Variants in CSMD3 observed in about 807,000 individuals in gnomAD.
The protein encoded by CSMD3 is CUB and Sushi multiple domains 3, also known as CUB and sushi domain-containing protein 3.
A neutral mutation model predicts 435.2 loss-of-function variants in CSMD3; 177 were observed. The observed-to-expected ratio is 0.41, with a 90% confidence interval of 0.36 to 0.46. The LOEUF is 0.46. CSMD3 is among the 20% of genes least tolerant of loss of function. The pLI, the probability that CSMD3 is intolerant of heterozygous loss-of-function variation, is 0.34. For synonymous variants in CSMD3, 1,656 were observed against 1,520.5 expected, an observed-to-expected ratio of 1.09 and a Z score of -2.07; for missense variants, 4,265 against 4,504.6, an observed-to-expected ratio of 0.95 and a Z score of 1.52.
intron 4 of CSMD3, among the ~76,000 whole-genome samples, chr8:113,173,001 A>T (rs1415554439): frequency 6.6e-6 from 1 of 152,212 alleles, no homozygotes; most frequent in Non-Finnish European, 1.5e-5. Context: ...TCTTAATAGT[A>T]TTGATAGTAA....
chr8:112,407,024 T>G (rs1831921507), intron 34 of CSMD3, among the ~76,000 whole-genome samples: 1 of 151,968 alleles, frequency 6.6e-6, no homozygotes, highest in Non-Finnish European at 1.5e-5. Flanking sequence ...TAGTTAGATA[T>G]TTTTGTAATT....
chr8:113,243,372 A>G (rs2132256194), intron 3 of CSMD3, among the ~76,000 whole-genome samples: 1 of 151,824 alleles, frequency 6.6e-6, no homozygotes, highest in Middle Eastern at 3.4e-3. Context: ...TTATTTTAAA[A>G]TATAGATTGT....
rs936645176 is a variant in CSMD3, at chr8:112,352,532, T to C, written c.6139A>G (p.Ile2047Val). The change falls in exon 39 of 71, where the codon ATT (isoleucine) becomes GTT (valine). Residue 2047 changes from isoleucine to valine, a missense_variant and splice_region_variant. Ile to Val is a conservative substitution (Grantham distance 29, BLOSUM62 3). Transcript: ENST00000297405. ...AAGFHLEYTAIGLDSCPEPQT... is the reference protein window; with the variant it reads ...AAGFHLEYTAVGLDSCPEPQT... Reference sequence around the variant, plus strand: ...GGTTCAGGACAGGAATCCAAACCAATTGCTAAGAATATTTAATGATAACAA... The same window carrying C: ...GGTTCAGGACAGGAATCCAAACCAACTGCTAAGAATATTTAATGATAACAA... 6.2e-7 allele frequency: 1 copy of C among 1,608,654 alleles called. No homozygotes were observed. Among genetic ancestry groups the C allele is most frequent in the Non-Finnish European group, 8.5e-7 (1 of 1,175,446 alleles).
intron 13 of CSMD3, among the ~76,000 whole-genome samples, chr8:112,757,209 T>C (rs1007229428): frequency 2.6e-5 from 4 of 152,142 alleles, no homozygotes; most frequent in Non-Finnish European, 5.9e-5. Flanking sequence ...ATGCAACACA[T>C]TGATCTATGG....
intron 6 of CSMD3, among the ~76,000 whole-genome samples, chr8:112,980,050 A>G (rs890871321): frequency 4.6e-5 from 7 of 150,832 alleles, no homozygotes; most frequent in Non-Finnish European, 1.0e-4. Context: ...GTAATAGTAC[A>G]ATGTTAAATT....
chr8:112,269,450 T>C (rs1033193329), intron 59 of CSMD3, among the ~76,000 whole-genome samples: 1 of 152,094 alleles, frequency 6.6e-6, no homozygotes, highest in East Asian at 1.9e-4. Flanking sequence ...GTCCAGTCAG[T>C]TTTCTAAAAA....
chr8:113,043,350 T>C (rs1053914546), intron 5 of CSMD3, among the ~76,000 whole-genome samples: 7 of 152,198 alleles, frequency 4.6e-5, no homozygotes, highest in Non-Finnish European at 8.8e-5. Context: ...TTGTAGAATG[T>C]CTTCTGTTAT....
At chr8:113,368,136 G>T (rs1042748558) in intron 1 of CSMD3, among the ~76,000 whole-genome samples, 2 of 151,930 alleles carry the variant, frequency 1.3e-5, no homozygotes, top group Admixed American at 1.3e-4. Context: ...CATAATTTTG[G>T]CTCAAAATGG....
intron 6 of CSMD3, among the ~76,000 whole-genome samples, chr8:112,992,592 A>G (rs945764537): frequency 2.0e-5 from 3 of 151,892 alleles, no homozygotes; most frequent in Non-Finnish European, 2.9e-5. Context: ...TAAAGGATCT[A>G]AGGAAGAAAA....
chr8:113,200,977 A>G (rs1201046817), intron 3 of CSMD3, among the ~76,000 whole-genome samples: 1 of 151,814 alleles, frequency 6.6e-6, no homozygotes, highest in African/African-American at 2.4e-5. Flanking sequence ...AATTAGGTTG[A>G]AGTAGAAAAC....
intron 32 of CSMD3, among the ~76,000 whole-genome samples, chr8:112,462,233 C>T (rs1188594860): frequency 6.6e-6 from 1 of 152,160 alleles, no homozygotes; most frequent in African/African-American, 2.4e-5. Flanking sequence ...CAGCTTTATG[C>T]CACCTGGTAT....
chr8:113,210,817 C>T (rs1208673866), intron 3 of CSMD3, among the ~76,000 whole-genome samples: 2 of 151,806 alleles, frequency 1.3e-5, no homozygotes, highest in African/African-American at 4.8e-5. Flanking sequence ...ACAGCAGAGG[C>T]TGCAGTAAGC....
At chr8:112,992,937 C>A (rs531295475) in intron 6 of CSMD3, among the ~76,000 whole-genome samples, 3 of 151,438 alleles carry the variant, frequency 2.0e-5, no homozygotes, top group Non-Finnish European at 4.4e-5. Context: ...CTGGCCCTTT[C>A]CCCTAACAAG....
intron 2 of CSMD3, chr8:113,311,402 A>G (rs1259045693): frequency 4.6e-5 from 7 of 152,158 alleles, no homozygotes. Flanking sequence ...ACAAGCAAGA[A>G]TGACAAGACC....
intron 3 of CSMD3, among the ~76,000 whole-genome samples, chr8:113,230,699 A>T (rs966139397): frequency 1.1e-4 from 17 of 151,570 alleles, no homozygotes; most frequent in African/African-American, 4.1e-4. Flanking sequence ...ACTGACTCTC[A>T]GCAAGTTTGT....
chr8:113,299,049 C>T (rs2093743375), intron 2 of CSMD3, among the ~76,000 whole-genome samples: 1 of 151,996 alleles, frequency 6.6e-6, no homozygotes, highest in Non-Finnish European at 1.5e-5. Flanking sequence ...CTCACATGTC[C>T]CTCTGGCTCA....
chr8:113,336,887 G>A (rs532438341), intron 1 of CSMD3, among the ~76,000 whole-genome samples: 1 of 152,226 alleles, frequency 6.6e-6, no homozygotes, highest in East Asian at 1.9e-4. Context: ...ACCACAGTGA[G>A]GGTGTTGGAA....
At chr8:112,357,812 G>A (rs1826781314) in intron 38 of CSMD3, among the ~76,000 whole-genome samples, 1 of 152,204 alleles carries the variant, frequency 6.6e-6, no homozygotes, top group African/African-American at 2.4e-5. Flanking sequence ...GTTTGCTGCA[G>A]AGGCAGGGCT....
Position 112,517,085 on chromosome 8 carries a change from T to G in CSMD3, c.4705A>C (p.Ile1569Leu), listed in dbSNP as rs769653123. ...ELQGEERITCIQVENRYFWQP... is the reference protein window; with the variant it reads ...ELQGEERITCLQVENRYFWQP... ...CAGAAGTACCGATTTTCTACCTGAA[T>G]GCAGGTTATTCTTTCCTCTCCTTGA... Residue 1569 changes from isoleucine (I) to leucine (L), a missense_variant, in exon 28 of 71, where the codon ATT (isoleucine) becomes CTT (leucine). This residue lies in a region of CSMD3 where 3,255 missense variants were observed against 3,380.2 expected (regional missense o/e 0.96). Transcript: ENST00000297405. 1.2e-6 allele frequency: 2 copies of G among 1,613,840 alleles called. No individual in the cohort carries two copies. The highest frequency in any genetic ancestry group is 8.5e-7 in the Non-Finnish European group (1 of 1,179,930).
Sources: allele counts gnomAD v4.1 joint callset (sites outside exome capture counted in the v4.1 genomes callset), GRCh38; gene constraint gnomAD v4.1.1; regional missense constraint gnomAD v4.1.1; transcripts MANE v1.5; gene names NCBI Gene and HGNC (gene_info 2026-07-23, HGNC 2026-07-21).